UPF1: variants seen among roughly 807,000 people sequenced by gnomAD.
UPF1 encodes UPF1 RNA helicase and ATPase.
In UPF1, 9 loss-of-function variants were observed where a neutral mutation model predicts 129.2. The ratio of observed to expected loss-of-function variants is 0.07; its 90% CI spans 0.04 to 0.12. UPF1 has a LOEUF of 0.12. UPF1 is among the 10% of genes least tolerant of loss of function. The pLI, the probability that UPF1 is intolerant of heterozygous loss-of-function variation, is 1.00. For missense variants in UPF1, 788 were observed against 1,525.3 expected (o/e 0.52, Z 8.05); for synonymous variants, 649 against 644.9 (o/e 1.01, Z -0.10).
intron 15 of UPF1, chr19:18,859,783 A>G (rs115264189): frequency 0.011 from 1,716 of 152,662 alleles, 34 homozygotes; most frequent in African/African-American, 0.038. Flanking sequence ...AAGAGCCCGA[A>G]GAAAGTGGCT....
chr19:18,857,091 A>G, intron 14 of UPF1, 71 bp downstream of exon 14: 1 of 1,562,672 alleles, frequency 6.4e-7, no homozygotes, highest in Middle Eastern at 1.9e-4. Context: ...CTTTTAAAAC[A>G]CCTTGTATTG....
At position 18,850,175 on chromosome 19, in the gene UPF1, T is replaced by A; in HGVS notation, c.562T>A (p.Cys188Ser). 2 of 1,614,020 alleles carry A rather than the reference T, an allele frequency of 1.2e-6. No individual in the cohort carries two copies. Among genetic ancestry groups the A allele is most frequent in the Non-Finnish European group, 1.7e-6 (2 of 1,179,940 alleles). ...ETVLECYNCG[C>S]RNVFLLGFIP... ...AGTCCTGGAGTGCTACAACTGCGGC[T>A]GTCGCAACGTCTTCCTCCTCGGCTT... Residue 188 changes from cysteine to serine, a missense_variant, in exon 4 of 24, where the codon TGT becomes AGT. By Grantham distance (112) the Cys-to-Ser change is moderately radical. Transcript: ENST00000262803. The surrounding 1 kb of genome is among the most constrained non-coding windows in gnomAD (Gnocchi z 7.1).
intron 3 of UPF1, 158 bp from the exon 4 acceptor site, chr19:18,849,917 G>C: frequency 1.2e-6 from 1 of 852,656 alleles, no homozygotes; most frequent in Non-Finnish European, 1.8e-6. Context: ...AGCTAGTTTG[G>C]GGGAGGGCTG....
Position 18,851,298 on chromosome 19 carries a change from G to C in UPF1, c.810+430G>C, listed in dbSNP as rs570586392. 1.3e-5 allele frequency among the ~76,000 whole-genome samples: 2 copies of C among 152,292 alleles called. No individual in the cohort carries two copies. Among genetic ancestry groups the C allele is most frequent in the South Asian group, 4.1e-4 (2 of 4,824 alleles). Reference sequence around the variant, plus strand: ...CAGAGGGGAGAGGAGAGGGTGCCGGGTCAAGTAGTGGGTGCCTGGCCCTCC... The same window carrying C: ...CAGAGGGGAGAGGAGAGGGTGCCGGCTCAAGTAGTGGGTGCCTGGCCCTCC... On this transcript the variant is annotated intron_variant, in intron 5 of 23. Coordinates refer to ENST00000262803, the MANE Select transcript of UPF1 (RefSeq NM_002911.4). This position sits in a 1 kb window ranked among gnomAD's most constrained non-coding sequence, Gnocchi z 4.2.
At position 18,836,200 on chromosome 19, in the gene UPF1, T is replaced by A. The variant is rs78911746; in HGVS notation, c.231+3760T>A. 8.4e-4 allele frequency among the ~76,000 whole-genome samples: 128 copies of A among 152,328 alleles called. 2 individuals carry two copies. In the East Asian group the frequency reaches 0.019, roughly 22 times the overall value. On this transcript the variant is annotated intron_variant, in intron 1 of 23. Transcript: ENST00000262803. ...CCTTCTCTGCTGCCACTTCTCCTGC[T>A]CCCAGGACAGTGAAGGTAATTTCAG...
In UPF1 at chr19:18,864,264, G is replaced by C; in HGVS notation, c.2857+13G>C. ...CGGAGCAGCCAGGGTGAGTCGCTCA[G>C]CAGGGGACCTGGCCGACCCCTTGTC... On this transcript the variant is annotated intron_variant, in intron 20 of 23. Transcript: ENST00000262803. The C allele has an allele frequency of 6.2e-7, 1 of 1,606,516 alleles. No individual in the cohort carries two copies. Among genetic ancestry groups the C allele is most frequent in the South Asian group, 1.1e-5 (1 of 90,774 alleles).
intron 1 of UPF1, among the ~76,000 whole-genome samples, chr19:18,845,055 T>C (rs1216661740): frequency 6.6e-6 from 1 of 152,212 alleles, no homozygotes; most frequent in African/African-American, 2.4e-5. Flanking sequence ...GTCCCTAGGC[T>C]CGCACAGGTG....
chr19:18,857,550 CAG>C lies in UPF1; in HGVS notation c.2182+18_2182+19del. On this transcript the variant is annotated intron_variant, in intron 15 of 23. Coordinates refer to ENST00000262803, the MANE Select transcript of UPF1 (RefSeq NM_002911.4). ...TCACTGCAGGTAACGGGGCTCTGCC[CAG>C]GGCAGGGGCTTCTACAGAGAAGCGG... 2 of 1,596,234 alleles carry C rather than the reference CAG, an allele frequency of 1.3e-6. No individual in the cohort carries two copies. Among genetic ancestry groups the C allele is most frequent in the East Asian group, 2.2e-5 (1 of 44,472 alleles).
At chr19:18,856,712 C>T (rs978816294) in intron 13 of UPF1, among the ~76,000 whole-genome samples, 165 bp from the exon 14 acceptor site, 1 of 152,216 alleles carries the variant, frequency 6.6e-6, no homozygotes, top group Non-Finnish European at 1.5e-5. Context: ...AGTTTGTAAT[C>T]ACCACAGCCT....
intron 16 of UPF1, 49 bp downstream of exon 16, chr19:18,860,487 G>A: frequency 6.3e-7 from 1 of 1,576,868 alleles, no homozygotes; most frequent in Non-Finnish European, 8.7e-7. Context: ...GGGACAGCTT[G>A]AGAGGTTGTT....
intron 2 of UPF1, among the ~76,000 whole-genome samples, chr19:18,846,944 A>G (rs2055606954): frequency 6.6e-6 from 1 of 152,196 alleles, no homozygotes; most frequent in Non-Finnish European, 1.5e-5. Context: ...TAGTGAGCCG[A>G]GATCGCACCA....
At position 18,846,373 on chromosome 19, in the gene UPF1, T is replaced by A. The variant is rs952353879; in HGVS notation, c.371+254T>A. Among the ~76,000 whole-genome samples, 11 of 152,238 alleles carry A rather than the reference T, an allele frequency of 7.2e-5. No individual in the cohort carries two copies. In the East Asian group the frequency reaches 1.7e-3, roughly 24 times the overall value. On this transcript the variant is annotated intron_variant, in intron 2 of 23. Transcript: ENST00000262803. ...GGGAAAAGTTTTCCTTCCTTTGGCC[T>A]CCTCAGACCCTGGGGGCATTGCCTG...
chr19:18,849,012 T>C (rs1328482804), intron 3 of UPF1: 1 of 152,268 alleles, frequency 6.6e-6, no homozygotes, highest in East Asian at 1.9e-4. Flanking sequence ...CTGAGCATTC[T>C]GTGCGAGGCC....
At chr19:18,844,079 G>A (rs1244957565) in intron 1 of UPF1, among the ~76,000 whole-genome samples, 1 of 152,126 alleles carries the variant, frequency 6.6e-6, no homozygotes, top group East Asian at 1.9e-4. Context: ...CACGGTCTGA[G>A]TTCTGGAGCA....
intron 2 of UPF1, among the ~76,000 whole-genome samples, chr19:18,846,388 G>A (rs2055599516): frequency 6.6e-6 from 1 of 152,112 alleles, no homozygotes; most frequent in Non-Finnish European, 1.5e-5. Flanking sequence ...AGACCCTGGG[G>A]GCATTGCCTG....
In UPF1 at chr19:18,852,266, C is replaced by T. The variant is rs376694927; in HGVS notation, c.942C>T (p.Ala314=). ...NIFGPLVKLE[A]DYDKKLKESQ... is the part of the protein sequence containing the mutation. ...TCGGGCCCCTGGTCAAGCTGGAGGC[C>T]GACTACGACAAGAAGCTGAAGGAGT... The change falls in exon 6 of 24, where the codon GCC becomes GCT. Residue 314 remains alanine, a synonymous_variant. Coordinates refer to ENST00000262803, the MANE Select transcript of UPF1 (RefSeq NM_002911.4). 76 of 1,613,572 alleles carry T rather than the reference C, an allele frequency of 4.7e-5. No individual in the cohort carries two copies. In the African/African-American group the frequency reaches 5.1e-4, roughly 11 times the overall value.
Position 18,851,902 on chromosome 19 carries a change from G to T in UPF1, c.811-233G>T, listed in dbSNP as rs1041841394. Among the ~76,000 whole-genome samples, 2 of 152,260 alleles carry T rather than the reference G, an allele frequency of 1.3e-5. No homozygotes were observed. The highest frequency in any genetic ancestry group is 2.9e-5 in the Non-Finnish European group (2 of 68,046). On this transcript the variant is annotated intron_variant, in intron 5 of 23. Coordinates refer to ENST00000262803, the MANE Select transcript of UPF1 (RefSeq NM_002911.4). The surrounding 1 kb of genome is among the most constrained non-coding windows in gnomAD (Gnocchi z 4.2). ...AACCCCGCTGGGGTGCGGAGCAGCAGCTGAGGCCCAGGCATGGGCCAGGCC... is the reference window on the plus strand; with the variant it reads ...AACCCCGCTGGGGTGCGGAGCAGCATCTGAGGCCCAGGCATGGGCCAGGCC...
At chr19:18,835,933 C>CA (rs1324083505) in intron 1 of UPF1, among the ~76,000 whole-genome samples, 1 of 152,174 alleles carries the variant, frequency 6.6e-6, no homozygotes, top group Non-Finnish European at 1.5e-5. Context: ...TGGTTTTGCG[C>CA]AGTTGGTTTT....
chr19:18,855,937 G>A lies in UPF1; in HGVS notation c.1557G>A (p.Val519=). 6.2e-7 allele frequency: 1 copy of A among 1,613,804 alleles called. No homozygotes were observed. Among genetic ancestry groups the A allele is most frequent in the South Asian group, 1.1e-5 (1 of 91,070 alleles). ...AATGGTGTTGCAGGCCGGTGCTGGT[G>A]TGTGCTCCGAGCAACATCGCCGTGG... The part of the protein sequence containing the change: ...LARQGNGPVL[V]CAPSNIAVDQ... The change falls in exon 12 of 24, where the codon GTG becomes GTA. Residue 519 remains valine (V), a synonymous_variant. Transcript: ENST00000262803.
Sources: allele counts gnomAD v4.1 joint callset (sites outside exome capture counted in the v4.1 genomes callset), GRCh38; gene constraint gnomAD v4.1.1; non-coding constraint Gnocchi (gnomAD v3.1); transcripts MANE v1.5; gene names NCBI Gene and HGNC (gene_info 2026-07-23, HGNC 2026-07-21).